Variants in CNNM1 observed in about 807,000 individuals in gnomAD.
CNNM1 encodes cyclin and CBS domain divalent metal cation transport mediator 1, also known as metal transporter CNNM1.
A neutral mutation model predicts 78.8 loss-of-function variants in CNNM1; 44 were observed. That is an observed-to-expected ratio of 0.56 (90% CI 0.44 to 0.72). CNNM1 has a LOEUF of 0.72. CNNM1 is among the 30% of genes least tolerant of loss of function. The pLI is 0.00. For missense variants in CNNM1, 1,101 were observed against 1,292.2 expected (o/e 0.85, Z 2.27); for synonymous variants, 584 against 581.5 (o/e 1.00, Z -0.06).
At chr10:99,361,121 C>T (rs943533088) in intron 3 of CNNM1, 146 bp downstream of exon 3, 2 of 837,400 alleles carry the variant, frequency 2.4e-6, no homozygotes, top group African/African-American at 3.4e-5. Context: ...TTGCCTTAGA[C>T]AGGGTAATGG....
At chr10:99,338,078 A>G (rs1762026089) in intron 1 of CNNM1, among the ~76,000 whole-genome samples, 1 of 152,196 alleles carries the variant, frequency 6.6e-6, no homozygotes, top group South Asian at 2.1e-4. Flanking sequence ...ATAGTGGATG[A>G]ATAGCACTTC....
rs113670523 is a variant in CNNM1, at chr10:99,378,914, G to A, written c.2340+1696G>A. On this transcript the variant is annotated intron_variant, in intron 7 of 10. Transcript: ENST00000356713. ...AGGGAAGTGCCTTTACGAGCTGACC[G>A]AGCAATGCTCATGGGTGCATATGAC... 2.6e-3 allele frequency among the ~76,000 whole-genome samples: 403 copies of A among 152,330 alleles called. 2 individuals are homozygous for A. Among genetic ancestry groups the A allele is most frequent in the Admixed American group, 7.1e-3 (108 of 15,308 alleles).
chr10:99,357,841 G>A (rs895018437), intron 2 of CNNM1, among the ~76,000 whole-genome samples, 186 bp downstream of exon 2: 1 of 152,122 alleles, frequency 6.6e-6, no homozygotes, highest in African/African-American at 2.4e-5. Context: ...GAGTCACTGG[G>A]AACATGCTAG....
At chr10:99,334,120 G>A (rs138794421) in intron 1 of CNNM1, among the ~76,000 whole-genome samples, 1 of 152,220 alleles carries the variant, frequency 6.6e-6, no homozygotes, top group African/African-American at 2.4e-5. Flanking sequence ...CTGCATTTTA[G>A]CAAGCTGCCA....
chr10:99,380,574 T>C (rs1184431154), intron 7 of CNNM1, among the ~76,000 whole-genome samples: 5 of 152,148 alleles, frequency 3.3e-5, no homozygotes, highest in Admixed American at 3.3e-4. Context: ...GTGTATCACC[T>C]GAGGTCAGGA....
rs920709886 is a variant in CNNM1, at chr10:99,368,651, G to A, written c.2176+3649G>A. ...TCTGTGTCTCGTACCTTCGCTGTCA[G>A]CAGAGGGGACTCTCTGGCAGGCTCC... On this transcript the variant is annotated intron_variant, in intron 6 of 10. Coordinates refer to ENST00000356713, the MANE Select transcript of CNNM1 (RefSeq NM_020348.3). The A allele has an allele frequency of 8.5e-6, 11 of 1,289,584 alleles. No individual in the cohort carries two copies. In the African/African-American group the frequency reaches 1.7e-4, roughly 20 times the overall value. The allele number at this position is 1,289,584 out of a possible 1,614,324, so 79.9% of individuals were successfully genotyped here. A position where few individuals can be genotyped will look rare whatever the true frequency, so the allele number is the denominator to read the frequency against.
At chr10:99,368,731 A>G in intron 6 of CNNM1, 1 of 1,252,574 alleles carries the variant, frequency 8.0e-7, no homozygotes, top group South Asian at 1.2e-5. Context: ...GGGGTTTGCA[A>G]GAAGCCTTTG....
At chr10:99,377,248 C>T (rs1157393504) in intron 7 of CNNM1, 30 bp downstream of exon 7, 1 of 1,607,354 alleles carries the variant, frequency 6.2e-7, no homozygotes. Context: ...TATCCTCTCC[C>T]TCCCAGTGGG....
rs1452760205 is a variant in CNNM1, at chr10:99,330,724, C to T, written c.1337C>T (p.Ala446Val). The change falls in exon 1 of 11, where the codon GCG (alanine) becomes GTG (valine). Residue 446 changes from alanine (A) to valine (V), a missense_variant. This residue lies in a region of CNNM1 where 277 missense variants were observed against 423.2 expected (regional missense o/e 0.65). Coordinates refer to ENST00000356713, the MANE Select transcript of CNNM1 (RefSeq NM_020348.3). ...GACTGCTTCATGCTGCGCTCAGACGCGGTGCTCGACTTCGCCACTGTCTCC... is the reference window on the plus strand; with the variant it reads ...GACTGCTTCATGCTGCGCTCAGACGTGGTGCTCGACTTCGCCACTGTCTCC... ...LGDCFMLRSDAVLDFATVSEI... is the reference protein window; with the variant it reads ...LGDCFMLRSDVVLDFATVSEI... 5.6e-6 allele frequency: 9 copies of T among 1,614,026 alleles called. No homozygotes were observed. Among genetic ancestry groups the T allele is most frequent in the South Asian group, 2.2e-5 (2 of 91,088 alleles).
chr10:99,389,281 G>A (rs953286549), intron 9 of CNNM1, among the ~76,000 whole-genome samples: 2 of 151,972 alleles, frequency 1.3e-5, no homozygotes, highest in African/African-American at 4.8e-5. Flanking sequence ...GCCGGGTGTG[G>A]TGGTGGGTGC....
At chr10:99,389,019 G>T (rs1258696427) in intron 9 of CNNM1, among the ~76,000 whole-genome samples, 1 of 152,104 alleles carries the variant, frequency 6.6e-6, no homozygotes, top group East Asian at 1.9e-4. Flanking sequence ...CCCTATGCCT[G>T]CACCCAAGCC....
At chr10:99,340,804 CTCTT>C (rs1159183436) in intron 1 of CNNM1, among the ~76,000 whole-genome samples, 32 of 130,334 alleles carry the variant, frequency 2.5e-4, no homozygotes, top group Middle Eastern at 4.1e-3. Context: ...TTCTTACTTT[CTCTT>C]TCTTTCTTTC....
rs2032560071 is a variant in CNNM1 at position 99,394,327 on chromosome 10, G to A, written c.*2811G>A. 2 of 152,176 alleles carry A rather than the reference G, an allele frequency of 1.3e-5. No homozygotes were observed. Among genetic ancestry groups the A allele is most frequent in the African/African-American group, 4.8e-5 (2 of 41,430 alleles). The allele number at this position is 152,176 out of a possible 1,614,324, so 9.4% of individuals were successfully genotyped here. A position where few individuals can be genotyped will look rare whatever the true frequency, so the allele number is the denominator to read the frequency against. Reference sequence around the variant, plus strand: ...TAAATAAAATGAAAATGCCTTTCCTGGAATGTGGCTGTTTTCCTTGCCCCT... The same window carrying A: ...TAAATAAAATGAAAATGCCTTTCCTAGAATGTGGCTGTTTTCCTTGCCCCT... On this transcript the variant is annotated 3_prime_UTR_variant, in exon 11 of 11. Transcript: ENST00000356713.
intron 1 of CNNM1, among the ~76,000 whole-genome samples, chr10:99,349,050 A>G (rs1215759899): frequency 6.6e-6 from 1 of 152,248 alleles, no homozygotes; most frequent in African/African-American, 2.4e-5. Flanking sequence ...AACCTGGGCA[A>G]CAGAGTGAGG....
chr10:99,343,943 G>A (rs1203576984), intron 1 of CNNM1, among the ~76,000 whole-genome samples: 2 of 150,104 alleles, frequency 1.3e-5, no homozygotes, highest in Non-Finnish European at 3.0e-5. Flanking sequence ...GGCTGGTCTC[G>A]AACTCCTGAC....
intron 3 of CNNM1, among the ~76,000 whole-genome samples, 165 bp from the exon 4 acceptor site, chr10:99,362,062 G>A (rs1419447610): frequency 6.6e-6 from 1 of 152,190 alleles, no homozygotes; most frequent in African/African-American, 2.4e-5. Flanking sequence ...CTTGGGATTA[G>A]GATCCTCCAC....
Position 99,329,685 on chromosome 10 carries a change from G to A in CNNM1, c.298G>A (p.Gly100Ser). 1 of 1,553,804 alleles carries A rather than the reference G, an allele frequency of 6.4e-7. No individual in the cohort carries two copies. Among genetic ancestry groups the A allele is most frequent in the South Asian group, 1.2e-5 (1 of 85,204 alleles). The change falls in exon 1 of 11, where the codon GGC becomes AGC. Residue 100 changes from glycine to serine, a missense_variant. By Grantham distance (56) the Gly-to-Ser change is moderately conservative. Around this residue, in one of 3 missense-constraint regions of CNNM1, gnomAD observed 476 missense variants for 484.5 expected, o/e 0.98. Coordinates refer to ENST00000356713, the MANE Select transcript of CNNM1 (RefSeq NM_020348.3). ...PTLNSGENGT[G>S]DWAPRLVFIE... Reference sequence around the variant, plus strand: ...CCTCAACTCGGGGGAGAATGGCACCGGCGACTGGGCTCCGCGGCTCGTGTT... The same window carrying A: ...CCTCAACTCGGGGGAGAATGGCACCAGCGACTGGGCTCCGCGGCTCGTGTT...
intron 7 of CNNM1, 37 bp from the exon 8 acceptor site, chr10:99,387,783 C>G: frequency 1.3e-6 from 2 of 1,540,968 alleles, no homozygotes; most frequent in Non-Finnish European, 1.8e-6. Flanking sequence ...GTGGTCTCTG[C>G]CTAGCTGCTC....
At chr10:99,360,800 G>A in intron 2 of CNNM1, 35 bp from the exon 3 acceptor site, 1 of 1,551,772 alleles carries the variant, frequency 6.4e-7, no homozygotes, top group Non-Finnish European at 8.8e-7. Flanking sequence ...ACGTGATTCT[G>A]AGATAGCTGT....
Sources: allele counts gnomAD v4.1 joint callset (sites outside exome capture counted in the v4.1 genomes callset), GRCh38; gene constraint gnomAD v4.1.1; regional missense constraint gnomAD v4.1.1; transcripts MANE v1.5; gene names NCBI Gene and HGNC (gene_info 2026-07-23, HGNC 2026-07-21).